The following TMEM177 variants were observed in gnomAD, a reference collection of about 807,000 sequenced individuals.
The protein encoded by TMEM177 is transmembrane protein 177.
TMEM177 carries 4 observed loss-of-function variants against 14.2 expected under a neutral mutation model. That is an observed-to-expected ratio of 0.28 (90% CI 0.14 to 0.64). The LOEUF (loss-of-function observed/expected upper bound fraction) is 0.64, where lower values mean the gene tolerates loss of function less well. Ranked by LOEUF, TMEM177 falls within the 30% of genes least tolerant of loss-of-function variation. The pLI, the probability that TMEM177 is intolerant of heterozygous loss-of-function variation, is 0.82. For synonymous variants in TMEM177, 179 were observed against 174.5 expected, an observed-to-expected ratio of 1.03 and a Z score of -0.20; for missense variants, 344 against 405.2, an observed-to-expected ratio of 0.85 and a Z score of 1.30.
At chr2:119,683,057 G>T (rs1688943302), downstream of TMEM177, among the ~76,000 whole-genome samples, 1 of 152,232 alleles carries the variant, frequency 6.6e-6, no homozygotes, top group African/African-American at 2.4e-5. Flanking sequence ...AGTTGGAGAT[G>T]AGGTTTTCCC....
At chr2:119,690,970 C>G (rs1689085722), downstream of TMEM177, among the ~76,000 whole-genome samples, 1 of 152,238 alleles carries the variant, frequency 6.6e-6, no homozygotes, top group Non-Finnish European at 1.5e-5. Context: ...CTGGGCTGGT[C>G]CACTTCAGGG....
chr2:119,684,371 C>T (rs748999362), downstream of TMEM177, among the ~76,000 whole-genome samples: 7 of 152,130 alleles, frequency 4.6e-5, no homozygotes, highest in Admixed American at 1.3e-4. Flanking sequence ...GTCAGATGCC[C>T]GTTTATACAC....
chr2:119,702,108 C>G, the TMEM177 span, among the ~76,000 whole-genome samples: 21 of 152,346 alleles, frequency 1.4e-4, no homozygotes, highest in East Asian at 3.7e-3. Flanking sequence ...TTTGTTAGTC[C>G]TGCAAAGCCA....
chr2:119,699,463 G>A, the TMEM177 span, among the ~76,000 whole-genome samples: 1 of 152,208 alleles, frequency 6.6e-6, no homozygotes, highest in East Asian at 1.9e-4. Flanking sequence ...ATTCAGGCTC[G>A]CAGACAATTT....
chr2:119,715,494 C>A, the TMEM177 span, among the ~76,000 whole-genome samples: 1 of 152,144 alleles, frequency 6.6e-6, no homozygotes, highest in African/African-American at 2.4e-5. Flanking sequence ...TCTCCTCACC[C>A]CCAGCATGCC....
At chr2:119,700,373 C>T in the TMEM177 span, among the ~76,000 whole-genome samples, 1 of 152,092 alleles carries the variant, frequency 6.6e-6, no homozygotes, top group East Asian at 1.9e-4. Context: ...CCTGAGAGTT[C>T]CCGTGGCATT....
the TMEM177 span, among the ~76,000 whole-genome samples, chr2:119,707,375 G>A: frequency 4.6e-5 from 7 of 152,290 alleles, 1 homozygote; most frequent in South Asian, 8.3e-4. Flanking sequence ...ACAAGGAAAC[G>A]GATTTGGGTT....
At chr2:119,683,733 T>C (rs12987848), downstream of TMEM177, among the ~76,000 whole-genome samples, 108,308 of 152,106 alleles carry the variant, frequency 0.71, 41,025 homozygotes, top group South Asian at 0.84. Context: ...CCTCCAACCT[T>C]GGCGCACACA....
chr2:119,683,780 G>A (rs552812429), downstream of TMEM177, among the ~76,000 whole-genome samples: 4 of 151,650 alleles, frequency 2.6e-5, no homozygotes, highest in South Asian at 2.1e-4. Context: ...GTGTGTGTGC[G>A]CGTGCATTGC....
chr2:119,697,441 C>T, the TMEM177 span, among the ~76,000 whole-genome samples: 2 of 152,146 alleles, frequency 1.3e-5, no homozygotes, highest in Non-Finnish European at 2.9e-5. Context: ...TGTGCCTGCT[C>T]AGGAGGCTGA....
At chr2:119,685,621 G>T (rs774025052), downstream of TMEM177, 1 of 716,884 alleles carries the variant, frequency 1.4e-6, no homozygotes, top group East Asian at 2.7e-5. Flanking sequence ...CCCAATTGGG[G>T]CATGTGGTTG....
At chr2:119,685,944 T>A, downstream of TMEM177, 1 of 528,590 alleles carries the variant, frequency 1.9e-6, no homozygotes, top group Non-Finnish European at 3.3e-6. Context: ...TCCAGCTAAC[T>A]GAAGAGAAAG....
At chr2:119,693,160 G>A in the TMEM177 span, among the ~76,000 whole-genome samples, 1 of 151,960 alleles carries the variant, frequency 6.6e-6, no homozygotes, top group Non-Finnish European at 1.5e-5. Flanking sequence ...TGAGGAGGTA[G>A]GGGGTCACAG....
At chr2:119,690,869 G>A (rs1191180139), downstream of TMEM177, among the ~76,000 whole-genome samples, 5 of 152,232 alleles carry the variant, frequency 3.3e-5, no homozygotes, top group African/African-American at 9.6e-5. Flanking sequence ...CAACGTCAGT[G>A]TTGAATTTTC....
At chr2:119,694,638 G>A in the TMEM177 span, among the ~76,000 whole-genome samples, 26 of 152,216 alleles carry the variant, frequency 1.7e-4, no homozygotes, top group African/African-American at 4.8e-4. Flanking sequence ...TGCTCTGGCC[G>A]GTGGATTTCA....
At chr2:119,716,251 G>A in the TMEM177 span, among the ~76,000 whole-genome samples, 1 of 152,164 alleles carries the variant, frequency 6.6e-6, no homozygotes, top group Non-Finnish European at 1.5e-5. Flanking sequence ...AGACTTCCAC[G>A]TGGCCTGCGA....
downstream of TMEM177, chr2:119,685,815 A>C (rs1245432939): frequency 4.3e-6 from 3 of 692,226 alleles, no homozygotes; most frequent in African/African-American, 1.8e-5. Flanking sequence ...TTCATGGTGC[A>C]GACTTATACT....
downstream of TMEM177, among the ~76,000 whole-genome samples, chr2:119,685,191 A>C (rs1434063705): frequency 6.8e-6 from 1 of 146,432 alleles, no homozygotes; most frequent in Non-Finnish European, 1.5e-5. Context: ...ACAACACACA[A>C]AGACTCCCCC....
At chr2:119,711,115 C>G in the TMEM177 span, among the ~76,000 whole-genome samples, 2 of 152,164 alleles carry the variant, frequency 1.3e-5, no homozygotes, top group African/African-American at 4.8e-5. Flanking sequence ...ACGATAGGTG[C>G]CTGGCTCGAG....
Sources: gnomAD v4.1 joint callset for allele counts (sites outside exome capture counted in the v4.1 genomes callset) on GRCh38, gnomAD v4.1.1 for gene constraint, MANE v1.5 for transcripts, NCBI Gene and HGNC (gene_info 2026-07-23, HGNC 2026-07-21) for gene names.